CREB3L2: variants seen among roughly 807,000 people sequenced by gnomAD.
The protein encoded by CREB3L2 is cAMP responsive element binding protein 3 like 2.
In CREB3L2, 23 loss-of-function variants were observed where a neutral mutation model predicts 57.2. The observed-to-expected ratio is 0.40, with a 90% CI of 0.29 to 0.57. CREB3L2 has a LOEUF of 0.57. Ranked by LOEUF, CREB3L2 falls within the 20% of genes least tolerant of loss-of-function variation. The pLI is 0.42. For missense variants in CREB3L2, 628 were observed against 634.7 expected (o/e 0.99, Z 0.11); for synonymous variants, 268 against 265.1 (o/e 1.01, Z -0.11).
intron 1 of CREB3L2, among the ~76,000 whole-genome samples, chr7:137,989,354 C>T (rs929593356): frequency 6.6e-6 from 1 of 151,916 alleles, no homozygotes; most frequent in Non-Finnish European, 1.5e-5. Context: ...CACACTCAAC[C>T]CTTATTTGTA....
At position 137,908,315 on chromosome 7, in the gene CREB3L2, G is replaced by C; in HGVS notation, c.705C>G (p.Pro235=). The C allele has an allele frequency of 2.4e-6, 3 of 1,257,642 alleles. No homozygotes were observed. Among genetic ancestry groups the C allele is most frequent in the South Asian group, 3.8e-5 (1 of 26,322 alleles). The allele number at this position is 1,257,642 out of a possible 1,614,324, so 77.9% of individuals were successfully genotyped here. Residue 235 remains proline, a synonymous_variant, in exon 5 of 12, where the codon CCC becomes CCG. Transcript: ENST00000330387. ...HPFSLPQTHS[P]SRAAPRAPSA... ...AGGGGGCCCGGGGTGCAGCTCTGGA[G>C]GGGCTGTGGGTCTGAGGCAGGCTGA... is the stretch of plus-strand genomic sequence containing the variant.
chr7:137,997,868 G>C (rs981549525), intron 1 of CREB3L2, among the ~76,000 whole-genome samples: 4 of 152,154 alleles, frequency 2.6e-5, no homozygotes, highest in Admixed American at 6.5e-5. Context: ...TGGGGAAAGA[G>C]GCAAGGTTTC....
Position 137,980,444 on chromosome 7 carries a change from G to C in CREB3L2, c.102+21160C>G, listed in dbSNP as rs1801694384. Among the ~76,000 whole-genome samples the C allele has an allele frequency of 6.6e-6, 1 of 152,210 alleles. No homozygotes were observed. Among genetic ancestry groups the C allele is most frequent in the African/African-American group, 2.4e-5 (1 of 41,456 alleles). On this transcript the variant is annotated intron_variant, in intron 1 of 11. Transcript: ENST00000330387. This position sits in a 1 kb window ranked among gnomAD's most constrained non-coding sequence, Gnocchi z 4.3. ...TGGCCTGGGGCAGCTCAGGAGAGTG[G>C]TCACCCAGGCTGAGTTATGCAAGTG...
At chr7:137,995,333 C>CTT (rs10676214) in intron 1 of CREB3L2, among the ~76,000 whole-genome samples, 8,107 of 86,822 alleles carry the variant, frequency 0.093, 1,091 homozygotes, top group Admixed American at 0.28. Context: ...TCTTTTCTTT[C>CTT]TTTTTTTTTT....
chr7:137,962,025 G>A (rs751699046), intron 1 of CREB3L2, among the ~76,000 whole-genome samples: 3 of 152,000 alleles, frequency 2.0e-5, no homozygotes, highest in Non-Finnish European at 4.4e-5. Flanking sequence ...GCACCTCCAC[G>A]CGCCTGCTCT....
At chr7:137,922,318 C>A (rs1260920606) in intron 2 of CREB3L2, among the ~76,000 whole-genome samples, 1 of 146,190 alleles carries the variant, frequency 6.8e-6, no homozygotes, top group Non-Finnish European at 1.5e-5. Context: ...TTAACCTTGG[C>A]AAAATAAACT....
intron 1 of CREB3L2, among the ~76,000 whole-genome samples, chr7:137,972,324 G>C (rs1801521046): frequency 6.6e-6 from 1 of 152,040 alleles, no homozygotes; most frequent in Non-Finnish European, 1.5e-5. Flanking sequence ...TATAATCCCA[G>C]CTACTTGGGA....
intron 1 of CREB3L2, among the ~76,000 whole-genome samples, chr7:137,972,684 C>CAAAAAAAAAAAAAAAAA (rs58627909): frequency 1.0e-4 from 1 of 9,662 alleles, no homozygotes; most frequent in Non-Finnish European, 2.3e-4. Context: ...CCCGTCTCTA[C>CAAAAAAAAAAAAAAAAA]AAAAAAAAAA....
intron 2 of CREB3L2, among the ~76,000 whole-genome samples, chr7:137,918,840 G>A (rs1282784697): frequency 6.6e-6 from 1 of 152,128 alleles, no homozygotes; most frequent in Non-Finnish European, 1.5e-5. Flanking sequence ...GTGCACATTC[G>A]TAAAACAAGT....
At chr7:138,000,925 C>T (rs1213139816) in intron 1 of CREB3L2, among the ~76,000 whole-genome samples, 1 of 152,148 alleles carries the variant, frequency 6.6e-6, no homozygotes, top group African/African-American at 2.4e-5. Flanking sequence ...AGCTGTCCCA[C>T]CTTCCCCAGA....
At chr7:137,944,178 T>G (rs1327150592) in intron 1 of CREB3L2, among the ~76,000 whole-genome samples, 1 of 152,210 alleles carries the variant, frequency 6.6e-6, no homozygotes, top group African/African-American at 2.4e-5. Context: ...TTACCTTTGT[T>G]TAAACAGATT....
chr7:137,969,508 G>A (rs947550559), intron 1 of CREB3L2, among the ~76,000 whole-genome samples: 12 of 151,492 alleles, frequency 7.9e-5, no homozygotes, highest in Admixed American at 1.3e-4. Context: ...CATCACACCC[G>A]GCTAATTTTT....
In CREB3L2 at chr7:137,946,902, ATATATATAGT is replaced by A. The variant is rs1563262335; in HGVS notation, c.103-18546_103-18537del. On this transcript the variant is annotated intron_variant, in intron 1 of 11. Coordinates refer to ENST00000330387, the MANE Select transcript of CREB3L2 (RefSeq NM_194071.4). Reference sequence around the variant, plus strand: ...TATCTATATAGTTATATATATAGTTATATATATAGTTATATATATAGTTATATATATAGTT... The same window carrying A: ...TATCTATATAGTTATATATATAGTTATATATATATAGTTATATATATAGTT... Among the ~76,000 whole-genome samples the A allele has an allele frequency of 1.0e-3, 27 of 25,742 alleles. 2 individuals are homozygous for A. Among genetic ancestry groups the A allele is most frequent in the African/African-American group, 2.7e-3 (20 of 7,492 alleles). 16.9% of individuals were successfully genotyped at this position (25,742 alleles called of 152,430 possible).
intron 8 of CREB3L2, among the ~76,000 whole-genome samples, chr7:137,892,586 G>T (rs1799547777): frequency 6.6e-6 from 1 of 152,074 alleles, no homozygotes; most frequent in African/African-American, 2.4e-5. Context: ...GAAGGCAGAG[G>T]TTGCAGTGGG....
intron 8 of CREB3L2, among the ~76,000 whole-genome samples, chr7:137,888,527 C>T (rs901553712): frequency 1.9e-4 from 29 of 151,996 alleles, no homozygotes; most frequent in African/African-American, 5.6e-4. Context: ...TTTCACTGGC[C>T]GAAGCATATA....
At chr7:137,940,822 G>A (rs1447230942) in intron 1 of CREB3L2, among the ~76,000 whole-genome samples, 1 of 152,216 alleles carries the variant, frequency 6.6e-6, no homozygotes, top group Non-Finnish European at 1.5e-5. Flanking sequence ...GCATTACTGA[G>A]ATAATCTCAT....
chr7:137,936,759 G>A (rs1315550313), intron 1 of CREB3L2, among the ~76,000 whole-genome samples: 1 of 152,192 alleles, frequency 6.6e-6, no homozygotes, highest in Non-Finnish European at 1.5e-5. Context: ...CCTGCCAGCA[G>A]AGAAAGTAGT....
chr7:137,951,833 T>A (rs1176996445), intron 1 of CREB3L2, among the ~76,000 whole-genome samples: 2 of 152,028 alleles, frequency 1.3e-5, no homozygotes, highest in African/African-American at 2.4e-5. Context: ...CCAAAAAAAA[T>A]GTTTTAATTA....
intron 1 of CREB3L2, among the ~76,000 whole-genome samples, chr7:137,989,251 C>G (rs1422399259): frequency 1.3e-5 from 2 of 152,128 alleles, no homozygotes; most frequent in African/African-American, 4.8e-5. Flanking sequence ...CACAGGTCTG[C>G]TACAGAGAAG....
Sources: gnomAD v4.1 joint callset for allele counts (sites outside exome capture counted in the v4.1 genomes callset) on GRCh38, gnomAD v4.1.1 for gene constraint, Gnocchi (gnomAD v3.1) non-coding constraint, MANE v1.5 for transcripts, NCBI Gene and HGNC (gene_info 2026-07-23, HGNC 2026-07-21) for gene names.